PPCS: variants seen among roughly 807,000 people sequenced by gnomAD.
The protein encoded by PPCS is phosphopantothenoylcysteine synthetase.
Under a neutral mutation model 24.6 loss-of-function variants are expected in PPCS, and 17 were observed. That is an observed-to-expected ratio of 0.69 (90% CI 0.47 to 1.04). PPCS has a LOEUF of 1.04. Ranked by LOEUF, PPCS falls within the 50% of genes least tolerant of loss-of-function variation. PPCS has a pLI of 0.00. For synonymous variants in PPCS, 190 were observed against 168.3 expected (o/e 1.13, Z -1.00); for missense variants, 360 against 402.8 (o/e 0.89, Z 0.91).
At chr1:42,459,295 T>A (rs1643335493) in intron 2 of PPCS, 1 of 284,072 alleles carries the variant, frequency 3.5e-6, no homozygotes, top group Admixed American at 4.8e-5. Flanking sequence ...CCTGAGTAGC[T>A]GGGACTACAG....
rs1006423292 is a variant in PPCS, at chr1:42,460,631, G to A, written c.*705G>A. ...TCCTTCCACCTGGGACCAGGCAGGG[G>A]CCACTTGGTGATCTCTGTCCTGAGG... On this transcript the variant is annotated 3_prime_UTR_variant, in exon 3 of 3. Coordinates refer to ENST00000372561, the MANE Select transcript of PPCS (RefSeq NM_024664.4). Among the ~76,000 whole-genome samples, 2 of 152,188 alleles carry A rather than the reference G, an allele frequency of 1.3e-5. No individual in the cohort carries two copies. The highest frequency in any genetic ancestry group is 4.8e-5 in the African/African-American group (2 of 41,430).
chr1:42,466,530 GT>G (rs1295809222), intron 2 of PPCS, among the ~76,000 whole-genome samples: 2 of 150,142 alleles, frequency 1.3e-5, no homozygotes, highest in Non-Finnish European at 1.5e-5. Context: ...GGACAGAATA[GT>G]TTTTTTGTTG....
Position 42,468,411 on chromosome 1 carries a change from G to A in PPCS, n.378-4711G>A, listed in dbSNP as rs113135000. 6.1e-3 allele frequency among the ~76,000 whole-genome samples: 925 copies of A among 152,140 alleles called. 6 individuals are homozygous for A. Among genetic ancestry groups the A allele is most frequent in the African/African-American group, 0.021 (863 of 41,426 alleles). ...AAAGGAGTAAGGAGCAAGAAAGGGG[G>A]CATCACATTCCTTAAGGACAGTTTC... is the stretch of plus-strand genomic sequence containing the variant. On this transcript the variant is annotated intron_variant and non_coding_transcript_variant, in intron 2 of 2. Transcript: ENST00000471420.
rs577990432 is a variant in PPCS, at chr1:42,460,999, G to C, written c.*1073G>C. ...TACTTCTCTTGCTGTCCTACGTTTT[G>C]GGTTTGGAGTGCACAAGTAGCATAG... On this transcript the variant is annotated 3_prime_UTR_variant, in exon 3 of 3. Transcript: ENST00000372561. Among the ~76,000 whole-genome samples, 73 of 152,276 alleles carry C rather than the reference G, an allele frequency of 4.8e-4. No individual in the cohort carries two copies. The highest frequency in any genetic ancestry group is 1.7e-3 in the African/African-American group (69 of 41,550).
Position 42,470,179 on chromosome 1 carries a change from AGTATCT to A in PPCS, n.378-2941_378-2936del, listed in dbSNP as rs894488097. 2.8e-4 allele frequency among the ~76,000 whole-genome samples: 43 copies of A among 152,298 alleles called. 1 individual carries two copies. Among genetic ancestry groups the A allele is most frequent in the African/African-American group, 9.9e-4 (41 of 41,540 alleles). ...GAGGGGCAAACAAGTGAAGCCAAAG[AGTATCT>A]GGTAGTTTGAGAGAGGATGTAATGG... is the stretch of plus-strand genomic sequence containing the variant. On this transcript the variant is annotated intron_variant and non_coding_transcript_variant, in intron 2 of 2. Coordinates refer to the PPCS transcript ENST00000471420.
chr1:42,462,067 A>G (rs551472946), downstream of PPCS, among the ~76,000 whole-genome samples: 3 of 152,340 alleles, frequency 2.0e-5, no homozygotes, highest in African/African-American at 4.8e-5. Flanking sequence ...TGTCTTTACC[A>G]TAATTATTAC....
chr1:42,457,150 T>C (rs777850518), intron 1 of PPCS, 77 bp downstream of exon 1: 24 of 1,592,634 alleles, frequency 1.5e-5, no homozygotes, highest in Non-Finnish European at 2.1e-5. Flanking sequence ...TACCTCCTGC[T>C]TACCCACGGA....
downstream of PPCS, among the ~76,000 whole-genome samples, chr1:42,464,980 C>A (rs1322273784): frequency 6.6e-6 from 1 of 152,172 alleles, no homozygotes; most frequent in Non-Finnish European, 1.5e-5. Flanking sequence ...TTCAATCTTG[C>A]ACATTAAATT....
chr1:42,461,586 G>A (rs1025586395), downstream of PPCS, among the ~76,000 whole-genome samples: 5 of 145,522 alleles, frequency 3.4e-5, no homozygotes, highest in East Asian at 4.0e-4. Context: ...TTGCTCTGTC[G>A]TCCTGGGTGG....
At chr1:42,467,622 C>A (rs1643631325) in intron 2 of PPCS, 1 of 152,234 alleles carries the variant, frequency 6.6e-6, no homozygotes, top group African/African-American at 2.4e-5. Context: ...TGGTCTTAAA[C>A]AGTAGACTCA....
In PPCS at chr1:42,459,987, A is replaced by C; in HGVS notation, c.*61A>C. On this transcript the variant is annotated 3_prime_UTR_variant, in exon 3 of 3. Coordinates refer to ENST00000372561, the MANE Select transcript of PPCS (RefSeq NM_024664.4). ...GGCTCTTAGAGATGGTGAAAACTAC[A>C]AAAAAAACCATGGCTTTCATATGGA... is the stretch of plus-strand genomic sequence containing the variant. 2.0e-6 allele frequency: 3 copies of C among 1,506,378 alleles called. No individual in the cohort carries two copies. The highest frequency in any genetic ancestry group is 2.6e-6 in the Non-Finnish European group (3 of 1,136,278). 93.3% of individuals were successfully genotyped at this position (1,506,378 alleles called of 1,614,324 possible).
intron 2 of PPCS, among the ~76,000 whole-genome samples, chr1:42,466,825 T>A (rs1375724405): frequency 5.9e-5 from 9 of 152,228 alleles, no homozygotes; most frequent in African/African-American, 2.2e-4. Context: ...GTGCTGGGAT[T>A]ACAGGCATGA....
At position 42,456,745 on chromosome 1, in the gene PPCS, C is replaced by A. The variant is rs531318462; in HGVS notation, c.180C>A (p.Phe60Leu). The A allele has an allele frequency of 6.2e-6, 10 of 1,611,382 alleles. No homozygotes were observed. Among genetic ancestry groups the A allele is most frequent in the South Asian group, 1.1e-5 (1 of 90,918 alleles). Residue 60 changes from phenylalanine (F) to leucine (L), a missense_variant, in exon 1 of 3, where the codon TTC becomes TTA. Physicochemically the swap from Phe to Leu is conservative, Grantham distance 22 (BLOSUM62 0). Coordinates refer to ENST00000372561, the MANE Select transcript of PPCS (RefSeq NM_024664.4). ...EARPVRFLDN[F>L]SSGRRGATSA... ...GGCCGGTGCGCTTCCTGGACAACTT[C>A]AGCAGCGGGCGGCGCGGTGCAACCT... is the stretch of plus-strand genomic sequence containing the variant.
downstream of PPCS, among the ~76,000 whole-genome samples, chr1:42,465,122 C>A (rs978900673): frequency 5.3e-5 from 8 of 152,006 alleles, no homozygotes; most frequent in Non-Finnish European, 8.8e-5. Flanking sequence ...TTAACCTGGG[C>A]AAACATGGCA....
rs1020121802 is a variant in PPCS, at chr1:42,460,920, C to T, written c.*994C>T. Among the ~76,000 whole-genome samples the T allele has an allele frequency of 4.6e-5, 7 of 152,238 alleles. No individual in the cohort carries two copies. Among genetic ancestry groups the T allele is most frequent in the South Asian group, 2.1e-4 (1 of 4,832 alleles). On this transcript the variant is annotated 3_prime_UTR_variant, in exon 3 of 3. Transcript: ENST00000372561. ...TTTCTCACTTAGCAAAGCAGTGTTA[C>T]ACCACTGCCCTGCTTAATCTTTGAA... is the stretch of plus-strand genomic sequence containing the variant.
At chr1:42,459,544 A>C in intron 2 of PPCS, 59 bp from the exon 3 acceptor site, 1 of 1,377,896 alleles carries the variant, frequency 7.3e-7, no homozygotes, top group Non-Finnish European at 1.0e-6. Flanking sequence ...TTCCCATGAG[A>C]TTGACCTGGT....
At chr1:42,470,782 A>G (rs897853653) in intron 2 of PPCS, among the ~76,000 whole-genome samples, 15 of 152,294 alleles carry the variant, frequency 9.8e-5, no homozygotes, top group African/African-American at 3.6e-4. Context: ...AGTAGAATAG[A>G]GATTCCCAGG....
chr1:42,472,546 A>T (rs1172178594), intron 2 of PPCS, among the ~76,000 whole-genome samples: 1 of 152,196 alleles, frequency 6.6e-6, no homozygotes, highest in Non-Finnish European at 1.5e-5. Flanking sequence ...TAAATATGCA[A>T]TAAAAGGAAC....
At chr1:42,461,353 A>G (rs1396593300), downstream of PPCS, among the ~76,000 whole-genome samples, 4 of 152,176 alleles carry the variant, frequency 2.6e-5, no homozygotes, top group African/African-American at 9.6e-5. Context: ...AAATTTTCTT[A>G]GAGACAAGGT....
Sources: gnomAD v4.1 joint callset for allele counts (sites outside exome capture counted in the v4.1 genomes callset) on GRCh38, gnomAD v4.1.1 for gene constraint, MANE v1.5 for transcripts, NCBI Gene and HGNC (gene_info 2026-07-23, HGNC 2026-07-21) for gene names.